Variants in DCAF5 observed in about 807,000 individuals in gnomAD.
DCAF5 encodes the protein DDB1 and CUL4 associated factor 5.
In DCAF5, 9 loss-of-function variants were observed where a neutral mutation model predicts 80.7. The observed-to-expected ratio is 0.11, with a 90% CI of 0.07 to 0.19. DCAF5 has a LOEUF of 0.19. Ranked by LOEUF, DCAF5 falls within the 10% of genes least tolerant of loss-of-function variation. The pLI, the probability that DCAF5 is intolerant of heterozygous loss-of-function variation, is 1.00. For synonymous variants in DCAF5, 433 were observed against 461.9 expected (o/e 0.94, Z 0.80); for missense variants, 842 against 1,205.7 (o/e 0.70, Z 4.47).
At chr14:69,139,699 C>T (rs1443780216) in intron 1 of DCAF5, among the ~76,000 whole-genome samples, 2 of 151,732 alleles carry the variant, frequency 1.3e-5, no homozygotes, top group Admixed American at 1.3e-4. Context: ...GCCTACAATC[C>T]CAGCTACTCA....
chr14:69,121,110 T>A (rs2040704879), intron 2 of DCAF5, among the ~76,000 whole-genome samples: 1 of 152,140 alleles, frequency 6.6e-6, no homozygotes, highest in African/African-American at 2.4e-5. Flanking sequence ...GACAAATAGT[T>A]TGGTGGGCTA....
chr14:69,105,923 ATATATATATATATATATATAT>A (rs1172468308), intron 5 of DCAF5, among the ~76,000 whole-genome samples: 2 of 75,934 alleles, frequency 2.6e-5, no homozygotes, highest in Non-Finnish European at 5.2e-5. Flanking sequence ...TCATATATAT[ATATATATATATATATATATAT>A]ATCTCCTATT....
intron 5 of DCAF5, among the ~76,000 whole-genome samples, chr14:69,102,591 GACACACACACACAC>G (rs143602483): frequency 8.0e-5 from 10 of 124,880 alleles, no homozygotes; most frequent in Non-Finnish European, 1.3e-4. Flanking sequence ...TAAAAACAAA[GACACACACACACAC>G]ACACACACAC....
In DCAF5 at chr14:69,128,003, TA is replaced by T. The variant is rs552236412; in HGVS notation, c.215-5644del. 1.7e-4 allele frequency among the ~76,000 whole-genome samples: 26 copies of T among 152,006 alleles called. 1 individual carries two copies. In the South Asian group the frequency reaches 5.0e-3, roughly 29 times the overall value. On this transcript the variant is annotated intron_variant, in intron 1 of 8. Coordinates refer to ENST00000341516, the MANE Select transcript of DCAF5 (RefSeq NM_003861.3). ...TATTATAATGGCATTATGGTTATGT[TA>T]AAAAAGAAAAAAATCCTTATCAATT...
intron 1 of DCAF5, among the ~76,000 whole-genome samples, 180 bp from the exon 2 acceptor site, chr14:69,122,540 T>C (rs1285381462): frequency 6.6e-6 from 1 of 152,144 alleles, no homozygotes; most frequent in East Asian, 1.9e-4. Context: ...ACGTGTTCTC[T>C]AGGCCATTCA....
chr14:69,116,591 T>C, intron 4 of DCAF5, 96 bp from the exon 5 acceptor site: 13 of 1,457,682 alleles, frequency 8.9e-6, no homozygotes, highest in Non-Finnish European at 1.2e-5. Flanking sequence ...GGAGCACTCT[T>C]TAATAACCAC....
chr14:69,126,709 A>C (rs1271732952), intron 1 of DCAF5, among the ~76,000 whole-genome samples: 1 of 152,214 alleles, frequency 6.6e-6, no homozygotes, highest in African/African-American at 2.4e-5. Flanking sequence ...ACAAATACAC[A>C]AATAGATCAA....
At chr14:69,138,949 C>T (rs2041270959) in intron 1 of DCAF5, among the ~76,000 whole-genome samples, 1 of 152,134 alleles carries the variant, frequency 6.6e-6, no homozygotes, top group Non-Finnish European at 1.5e-5. Context: ...AGTTCAAAGT[C>T]AGCCTGGGCA....
chr14:69,061,506 A>G (rs2038214559), intron 8 of DCAF5, among the ~76,000 whole-genome samples: 1 of 152,178 alleles, frequency 6.6e-6, no homozygotes, highest in Non-Finnish European at 1.5e-5. Flanking sequence ...AGTTATAAAA[A>G]CATTTCCTGG....
rs747436601 is a variant in DCAF5, at chr14:69,055,080, T to C, written c.1606A>G (p.Asn536Asp). 8 of 1,614,160 alleles carry C rather than the reference T, an allele frequency of 5.0e-6. No homozygotes were observed. The Admixed American group carries it at 8.3e-5, about 17-fold the overall frequency. The change falls in exon 9 of 9, where the codon AAT (asparagine) becomes GAT (aspartate). Residue 536 changes from asparagine (N) to aspartate (D), a missense_variant. Physicochemically the swap from Asn to Asp is conservative, Grantham distance 23 (BLOSUM62 1). This residue lies in a region of DCAF5 where 607 missense variants were observed against 656.6 expected (regional missense o/e 0.92). Transcript: ENST00000341516. The surrounding 1 kb of genome is among the most constrained non-coding windows in gnomAD (Gnocchi z 5.6). The stretch of plus-strand genomic sequence containing the variant: ...GTGTCTAGTTCCACCTCACAGACAT[T>C]CTCCTCAGAATCGGACTCATTGGAA... ...ALSNESDSEE[N>D]VCEVELDTDL...
chr14:69,084,387 G>A (rs1286881227), intron 6 of DCAF5: 11 of 917,280 alleles, frequency 1.2e-5, no homozygotes, highest in Admixed American at 3.4e-5. Context: ...GAAGCTGATC[G>A]TATCTTGGAT....
At chr14:69,061,298 G>A (rs902474666) in intron 8 of DCAF5, among the ~76,000 whole-genome samples, 2 of 152,090 alleles carry the variant, frequency 1.3e-5, no homozygotes, top group Non-Finnish European at 2.9e-5. Flanking sequence ...AGGCAAAATC[G>A]AGGTATTTTA....
In DCAF5 at chr14:69,055,140, G is replaced by C; in HGVS notation, c.1546C>G (p.Leu516Val). The C allele has an allele frequency of 6.2e-7, 1 of 1,614,258 alleles. No individual in the cohort carries two copies. Among genetic ancestry groups the C allele is most frequent in the Non-Finnish European group, 8.5e-7 (1 of 1,180,052 alleles). ...AGGCGTTTGTCTTGGTAGCGCCGCAGAGCAGACAGACGCTGCTGGCGAGAG... is the reference window on the plus strand; with the variant it reads ...AGGCGTTTGTCTTGGTAGCGCCGCACAGCAGACAGACGCTGCTGGCGAGAG... ...AASRQQRLSA[L>V]RRYQDKRLLA... The change falls in exon 9 of 9, where the codon CTG (leucine) becomes GTG (valine). Residue 516 changes from leucine to valine, a missense_variant. By Grantham distance (32) the Leu-to-Val change is conservative. This residue lies in a region of DCAF5 where 607 missense variants were observed against 656.6 expected (regional missense o/e 0.92). Transcript: ENST00000341516. The surrounding 1 kb of genome is among the most constrained non-coding windows in gnomAD (Gnocchi z 5.6).
intron 1 of DCAF5, among the ~76,000 whole-genome samples, chr14:69,140,582 C>A (rs1474411840): frequency 6.6e-6 from 1 of 152,062 alleles, no homozygotes; most frequent in African/African-American, 2.4e-5. Context: ...CCTCAAAATA[C>A]CTTTTCTCAA....
At chr14:69,090,144 A>G in intron 6 of DCAF5, 1 of 980,580 alleles carries the variant, frequency 1.0e-6, no homozygotes, top group Non-Finnish European at 1.2e-6. Context: ...AGAAGTTGAC[A>G]AAGGATAGGA....
chr14:69,086,328 G>A (rs557784843), intron 6 of DCAF5, among the ~76,000 whole-genome samples: 6 of 152,098 alleles, frequency 3.9e-5, no homozygotes, highest in African/African-American at 9.6e-5. Flanking sequence ...ACTGCACTCC[G>A]GCCTGGGTGA....
chr14:69,117,650 T>G (rs549415677), intron 4 of DCAF5, among the ~76,000 whole-genome samples: 1 of 152,196 alleles, frequency 6.6e-6, no homozygotes, highest in East Asian at 1.9e-4. Flanking sequence ...ATTTCACACA[T>G]CAGAGAGTCA....
chr14:69,097,987 G>T (rs562614552), intron 5 of DCAF5, among the ~76,000 whole-genome samples: 3 of 152,250 alleles, frequency 2.0e-5, no homozygotes, highest in African/African-American at 7.2e-5. Flanking sequence ...AGGAGATGCT[G>T]AACCATGAAT....
At chr14:69,085,381 T>C in intron 6 of DCAF5, 1 of 598,318 alleles carries the variant, frequency 1.7e-6, no homozygotes, top group Non-Finnish European at 3.1e-6. Context: ...CAGGCAGTTC[T>C]CTCACTGAAG....
Sources: gnomAD v4.1 joint callset for allele counts (sites outside exome capture counted in the v4.1 genomes callset) on GRCh38, gnomAD v4.1.1 for gene constraint, gnomAD v4.1.1 regional missense constraint, Gnocchi (gnomAD v3.1) non-coding constraint, MANE v1.5 for transcripts, NCBI Gene and HGNC (gene_info 2026-07-23, HGNC 2026-07-21) for gene names.